The following NRXN1 variants were observed in gnomAD, a reference collection of about 807,000 sequenced individuals.
NRXN1 encodes the protein neurexin-1.
A neutral mutation model predicts 150.9 loss-of-function variants in NRXN1; 39 were observed. The ratio of observed to expected loss-of-function variants is 0.26; its 90% CI spans 0.20 to 0.34. The LOEUF (loss-of-function observed/expected upper bound fraction) is 0.34. Among genes scored for constraint, NRXN1 ranks in the 10% least tolerant of loss-of-function variants. The pLI, the probability that NRXN1 is intolerant of heterozygous loss-of-function variation, is 1.00. For synonymous variants in NRXN1, 924 were observed against 757.0 expected (o/e 1.22, Z -3.62); for missense variants, 1,815 against 1,949.9 (o/e 0.93, Z 1.30).
At chr2:50,877,577 T>C (rs1285280752) in intron 5 of NRXN1, among the ~76,000 whole-genome samples, 1 of 152,124 alleles carries the variant, frequency 6.6e-6, no homozygotes, top group Admixed American at 6.6e-5. Context: ...TTATATACTT[T>C]AATTGTTCTT....
chr2:50,525,280 T>C (rs767702246), intron 12 of NRXN1, among the ~76,000 whole-genome samples: 2 of 152,246 alleles, frequency 1.3e-5, no homozygotes, highest in Non-Finnish European at 2.9e-5. Flanking sequence ...CAGATTTCTT[T>C]GATGAGTTTT....
chr2:50,432,603 T>C (rs1426313934), intron 17 of NRXN1, among the ~76,000 whole-genome samples: 1 of 152,216 alleles, frequency 6.6e-6, no homozygotes, highest in African/African-American at 2.4e-5. Context: ...CCACTTGGAA[T>C]TCCTGTCCCT....
intron 17 of NRXN1, among the ~76,000 whole-genome samples, chr2:50,354,589 A>C (rs2078664946): frequency 6.8e-6 from 1 of 146,204 alleles, no homozygotes. Context: ...ATATATATAC[A>C]CACACACACT....
intron 17 of NRXN1, among the ~76,000 whole-genome samples, chr2:50,445,551 A>G (rs2086326529): frequency 1.3e-5 from 2 of 152,196 alleles, no homozygotes; most frequent in African/African-American, 4.8e-5. Context: ...CACTCACCTC[A>G]GCAAGACTAC....
At chr2:50,113,387 C>T (rs933207361) in intron 18 of NRXN1, among the ~76,000 whole-genome samples, 6 of 152,150 alleles carry the variant, frequency 3.9e-5, no homozygotes, top group Admixed American at 3.9e-4. Context: ...GGCTACCTTG[C>T]AATTCCTTAA....
chr2:50,630,981 G>A (rs566737226), intron 5 of NRXN1: 1 of 371,340 alleles, frequency 2.7e-6, no homozygotes, highest in East Asian at 9.6e-5. Flanking sequence ...TCTGCTTATT[G>A]AAATTCATAT....
intron 21 of NRXN1, chr2:49,970,733 CTT>C (rs986783861): frequency 5.3e-5 from 8 of 152,068 alleles, no homozygotes; most frequent in Non-Finnish European, 7.4e-5. Context: ...TAAATCTAAA[CTT>C]AGTGTCATTA....
intron 18 of NRXN1, among the ~76,000 whole-genome samples, chr2:50,103,327 TC>T (rs1701211150): frequency 6.6e-6 from 1 of 152,056 alleles, no homozygotes; most frequent in African/African-American, 2.4e-5. Context: ...TAAAGAGTTA[TC>T]CATAAAATTT....
intron 21 of NRXN1, chr2:49,974,044 C>A (rs189750931): frequency 1.4e-6 from 1 of 717,352 alleles, no homozygotes; most frequent in African/African-American, 1.7e-5. Context: ...TTTCTTAATT[C>A]TTAATGGAAA....
chr2:50,101,291 A>G (rs142298995), intron 18 of NRXN1, among the ~76,000 whole-genome samples: 2 of 151,846 alleles, frequency 1.3e-5, no homozygotes, highest in Non-Finnish European at 2.9e-5. Flanking sequence ...GGACCATTGC[A>G]CTCTTTGATA....
At chr2:50,571,268 A>G (rs1478801112) in intron 8 of NRXN1, among the ~76,000 whole-genome samples, 1 of 152,220 alleles carries the variant, frequency 6.6e-6, no homozygotes, top group Non-Finnish European at 1.5e-5. Flanking sequence ...AAAGTAAAAT[A>G]TAAATGGTCA....
At chr2:49,966,671 G>A (rs931140352) in intron 21 of NRXN1, 3 of 152,082 alleles carry the variant, frequency 2.0e-5, no homozygotes, top group Admixed American at 6.6e-5. Context: ...CCAGTACAAT[G>A]TCTTCACATA....
chr2:50,378,369 T>C (rs2080686234), intron 17 of NRXN1, among the ~76,000 whole-genome samples: 1 of 152,156 alleles, frequency 6.6e-6, no homozygotes, highest in Non-Finnish European at 1.5e-5. Flanking sequence ...AGAAAATGCA[T>C]TCAATGCACT....
intron 5 of NRXN1, among the ~76,000 whole-genome samples, chr2:50,911,343 T>C (rs1684489285): frequency 6.6e-6 from 1 of 151,708 alleles, no homozygotes; most frequent in Admixed American, 6.6e-5. Flanking sequence ...TCCCTGCTTT[T>C]TCTTGTATTC....
intron 8 of NRXN1, among the ~76,000 whole-genome samples, chr2:50,582,018 TA>T (rs1306891433): frequency 6.6e-6 from 1 of 152,130 alleles, no homozygotes; most frequent in East Asian, 1.9e-4. Flanking sequence ...TTTTCTGACA[TA>T]AATAGTCATA....
intron 17 of NRXN1, among the ~76,000 whole-genome samples, chr2:50,371,843 A>G (rs989407190): frequency 6.6e-6 from 1 of 152,020 alleles, no homozygotes; most frequent in African/African-American, 2.4e-5. Context: ...CAGCCAATAA[A>G]TGGATTCCTT....
intron 5 of NRXN1, among the ~76,000 whole-genome samples, chr2:50,683,646 A>AAAAAAAAAAAAAAAAAAAAAAAAATAT: frequency 6.7e-5 from 1 of 14,910 alleles, no homozygotes; most frequent in African/African-American, 3.6e-4. Context: ...AAAAAAAAAA[A>AAAAAAAAAAAAAAAAAAAAAAAAATAT]ATATATATAT....
intron 18 of NRXN1, among the ~76,000 whole-genome samples, chr2:50,141,310 T>C (rs1405851586): frequency 6.6e-6 from 1 of 151,754 alleles, no homozygotes; most frequent in East Asian, 1.9e-4. Flanking sequence ...AATTCAACTC[T>C]AAAAACAATA....
intron 17 of NRXN1, among the ~76,000 whole-genome samples, chr2:50,320,312 A>ATATATATATATATATG (rs1558519086): frequency 1.6e-5 from 2 of 125,372 alleles, no homozygotes; most frequent in African/African-American, 6.3e-5. Context: ...ATATATATAT[A>ATATATATATATATATG]TATATATATA....
Sources: gnomAD v4.1 joint callset for allele counts (sites outside exome capture counted in the v4.1 genomes callset) on GRCh38, gnomAD v4.1.1 for gene constraint, MANE v1.5 for transcripts, NCBI Gene and HGNC (gene_info 2026-07-23, HGNC 2026-07-21) for gene names.